Variants in TBC1D30 observed in about 807,000 individuals in gnomAD.
TBC1D30 encodes TBC1 domain family, member 30.
Under a neutral mutation model 63.2 loss-of-function variants are expected in TBC1D30, and 31 were observed. The observed-to-expected ratio is 0.49, with a 90% CI of 0.37 to 0.66. The LOEUF is 0.66. TBC1D30 is among the 30% of genes least tolerant of loss of function. The probability of loss-of-function intolerance (pLI) is 0.00; values close to 1 mark genes in which losing one functional copy is unlikely to be tolerated. For synonymous variants in TBC1D30, 307 were observed against 361.5 expected (o/e 0.85, Z 1.71); for missense variants, 810 against 953.6 (o/e 0.85, Z 1.98).
chr12:64,769,965 T>C (rs1402189121), intron 1 of TBC1D30, among the ~76,000 whole-genome samples: 4 of 152,236 alleles, frequency 2.6e-5, no homozygotes, highest in African/African-American at 9.6e-5. Context: ...TCTTTGACAT[T>C]TCCAGTAACT....
intron 2 of TBC1D30, among the ~76,000 whole-genome samples, chr12:64,817,652 C>G (rs950630509): frequency 2.0e-5 from 3 of 152,212 alleles, no homozygotes; most frequent in Admixed American, 2.0e-4. Context: ...TCACCAAAAT[C>G]AAGCATATTA....
intron 2 of TBC1D30, among the ~76,000 whole-genome samples, chr12:64,786,510 T>G (rs1002806374): frequency 2.0e-5 from 3 of 152,090 alleles, no homozygotes; most frequent in Non-Finnish European, 4.4e-5. Flanking sequence ...TTTTGTATTT[T>G]TAGTAGAGAC....
intron 1 of TBC1D30, among the ~76,000 whole-genome samples, chr12:64,783,820 C>A (rs1175664410): frequency 3.7e-5 from 1 of 26,892 alleles, no homozygotes; most frequent in East Asian, 1.1e-3. Flanking sequence ...CCTTTTATTT[C>A]TAGAAGGAAA....
intron 2 of TBC1D30, among the ~76,000 whole-genome samples, chr12:64,818,041 C>A (rs1873652073): frequency 7.2e-6 from 1 of 138,892 alleles, no homozygotes; most frequent in Non-Finnish European, 1.5e-5. Flanking sequence ...CCAGCCTGGG[C>A]AACAGAGTGA....
intron 1 of TBC1D30, among the ~76,000 whole-genome samples, chr12:64,766,249 CCAG>C (rs771007402): frequency 3.5e-4 from 53 of 152,146 alleles, no homozygotes; most frequent in Non-Finnish European, 7.4e-4. Context: ...AACTGGAATT[CCAG>C]AAGGAAGAAA....
chr12:64,823,167 A>G (rs1873991647), upstream of TBC1D30, among the ~76,000 whole-genome samples: 1 of 152,158 alleles, frequency 6.6e-6, no homozygotes, highest in Admixed American at 6.5e-5. Flanking sequence ...TCTTGGCTCC[A>G]TTTGATGTTA....
At chr12:64,766,371 C>G in intron 1 of TBC1D30, among the ~76,000 whole-genome samples, 1 of 151,976 alleles carries the variant, frequency 6.6e-6, no homozygotes, top group East Asian at 1.9e-4. Context: ...GAAAATCATA[C>G]TGAGAAACAT....
At chr12:64,817,888 C>T (rs1218715975) in intron 2 of TBC1D30, among the ~76,000 whole-genome samples, 5 of 152,128 alleles carry the variant, frequency 3.3e-5, no homozygotes, top group African/African-American at 9.6e-5. Context: ...CATGGTGAAA[C>T]CCCATGTCTA....
chr12:64,805,544 A>G (rs1343502728), intron 2 of TBC1D30, among the ~76,000 whole-genome samples: 1 of 152,094 alleles, frequency 6.6e-6, no homozygotes, highest in Non-Finnish European at 1.5e-5. Flanking sequence ...GAGAAAATAC[A>G]TTTCTTGGCT....
chr12:64,860,859 G>T lies in TBC1D30; in HGVS notation c.1039-3809G>T, dbSNP rs79648360. Among the ~76,000 whole-genome samples the T allele has an allele frequency of 3.7e-3, 558 of 152,302 alleles. 4 individuals carry two copies. The highest frequency in any genetic ancestry group is 0.013 in the African/African-American group (537 of 41,570). On this transcript the variant is annotated intron_variant, in intron 8 of 11. Transcript: ENST00000539867. ...CCAGGTCCCTGACTCCTAGCTGAAT[G>T]CTTTTCCTCACCACCCAACACACTG...
At chr12:64,818,055 T>A (rs1434464179) in intron 2 of TBC1D30, among the ~76,000 whole-genome samples, 1 of 103,586 alleles carries the variant, frequency 9.7e-6, no homozygotes, top group Admixed American at 9.6e-5. Flanking sequence ...AGAGTGAGAC[T>A]CTACCAAAAA....
chr12:64,821,689 C>G (rs1873897993), upstream of TBC1D30, among the ~76,000 whole-genome samples: 1 of 152,194 alleles, frequency 6.6e-6, no homozygotes, highest in Non-Finnish European at 1.5e-5. Flanking sequence ...TCCTATGGCT[C>G]TCAGTACAAC....
intron 6 of TBC1D30, among the ~76,000 whole-genome samples, chr12:64,837,534 A>G (rs115731829): frequency 0.026 from 4,022 of 152,018 alleles, 175 homozygotes; most frequent in African/African-American, 0.088. Context: ...TTGTGCTCCT[A>G]TGAGAATCTA....
At chr12:64,834,208 T>A (rs1159968945) in intron 5 of TBC1D30, among the ~76,000 whole-genome samples, 1 of 152,156 alleles carries the variant, frequency 6.6e-6, no homozygotes, top group Non-Finnish European at 1.5e-5. Flanking sequence ...GAAACACTTC[T>A]GATGTTGAGG....
At chr12:64,788,386 A>T (rs893636849) in intron 2 of TBC1D30, among the ~76,000 whole-genome samples, 1 of 151,926 alleles carries the variant, frequency 6.6e-6, no homozygotes, top group African/African-American at 2.4e-5. Flanking sequence ...TTTATATCCT[A>T]CTCATTATTA....
chr12:64,864,528 G>T, intron 8 of TBC1D30, 140 bp from the exon 9 acceptor site: 1 of 547,552 alleles, frequency 1.8e-6, no homozygotes, highest in Non-Finnish European at 3.2e-6. Flanking sequence ...ATGTTGAAGT[G>T]GAATCTCTCC....
chr12:64,856,832 C>T (rs967693099), intron 8 of TBC1D30, among the ~76,000 whole-genome samples: 6 of 152,190 alleles, frequency 3.9e-5, no homozygotes, highest in African/African-American at 1.2e-4. Flanking sequence ...GCTCTTCCCT[C>T]CCCATACCAC....
At chr12:64,856,215 G>A (rs1193279326) in intron 8 of TBC1D30, among the ~76,000 whole-genome samples, 1 of 152,132 alleles carries the variant, frequency 6.6e-6, no homozygotes, top group Non-Finnish European at 1.5e-5. Context: ...GATCTTATGT[G>A]AACTCAGAGC....
chr12:64,767,803 G>T (rs1334386812), intron 1 of TBC1D30, among the ~76,000 whole-genome samples: 2 of 66,628 alleles, frequency 3.0e-5, no homozygotes, highest in African/African-American at 5.4e-5. Context: ...GGGGGGGGAG[G>T]GGGGGGAGAT....
Sources: gnomAD v4.1 joint callset for allele counts (sites outside exome capture counted in the v4.1 genomes callset) on GRCh38, gnomAD v4.1.1 for gene constraint, MANE v1.5 for transcripts, NCBI Gene and HGNC (gene_info 2026-07-23, HGNC 2026-07-21) for gene names.